The following ATXN1 variants were observed in gnomAD, a reference collection of about 807,000 sequenced individuals.
The protein encoded by ATXN1 is ataxin 1.
In ATXN1, 8 loss-of-function variants were observed where a neutral mutation model predicts 56.4. That is an observed-to-expected ratio of 0.14 (90% CI 0.08 to 0.26). ATXN1 has a LOEUF of 0.26. Among genes scored for constraint, ATXN1 ranks in the 10% least tolerant of loss-of-function variants. The probability of loss-of-function intolerance (pLI) is 1.00; values close to 1 mark genes in which losing one functional copy is unlikely to be tolerated. For synonymous variants in ATXN1, 514 were observed against 494.6 expected, an observed-to-expected ratio of 1.04 and a Z score of -0.52; for missense variants, 987 against 1,106.5, an observed-to-expected ratio of 0.89 and a Z score of 1.53.
chr6:16,444,094 C>T (rs896992775), intron 6 of ATXN1, among the ~76,000 whole-genome samples: 9 of 142,886 alleles, frequency 6.3e-5, no homozygotes, highest in South Asian at 2.3e-4. Context: ...CCAGCCTGGG[C>T]GACAGAGCGA....
At chr6:16,441,481 C>G (rs1759515902) in intron 6 of ATXN1, among the ~76,000 whole-genome samples, 1 of 151,804 alleles carries the variant, frequency 6.6e-6, no homozygotes, top group Admixed American at 6.6e-5. Flanking sequence ...ATACAGTGCA[C>G]AGTTATTATA....
intron 5 of ATXN1, among the ~76,000 whole-genome samples, chr6:16,491,909 G>T (rs979691425): frequency 1.3e-5 from 2 of 152,172 alleles, no homozygotes; most frequent in Non-Finnish European, 1.5e-5. Context: ...GCAAGGAACT[G>T]AAGGTGAATG....
intron 6 of ATXN1, among the ~76,000 whole-genome samples, chr6:16,395,380 T>C (rs1026419668): frequency 1.3e-5 from 2 of 151,992 alleles, no homozygotes; most frequent in African/African-American, 4.8e-5. Flanking sequence ...CATCTACTTG[T>C]ATAGTGGATA....
chr6:16,418,259 T>G (rs1237387211), intron 6 of ATXN1, among the ~76,000 whole-genome samples: 1 of 152,208 alleles, frequency 6.6e-6, no homozygotes, highest in Non-Finnish European at 1.5e-5. Context: ...TAAATATTGT[T>G]CCTGTGTACA....
At chr6:16,581,089 C>G (rs1309233292) in intron 4 of ATXN1, among the ~76,000 whole-genome samples, 1 of 150,010 alleles carries the variant, frequency 6.7e-6, no homozygotes, top group Admixed American at 6.7e-5. Flanking sequence ...TACAGTTTTT[C>G]TTTTTGTGTT....
intron 5 of ATXN1, among the ~76,000 whole-genome samples, chr6:16,516,782 A>G (rs896559264): frequency 1.3e-5 from 2 of 152,210 alleles, no homozygotes; most frequent in African/African-American, 4.8e-5. Context: ...TACTGCCCTC[A>G]GTATCTTTTA....
chr6:16,687,416 A>G (rs2113411090), intron 2 of ATXN1, among the ~76,000 whole-genome samples: 1 of 152,256 alleles, frequency 6.6e-6, no homozygotes, highest in East Asian at 1.9e-4. Flanking sequence ...AATCATGCTC[A>G]AGAGCCCTTT....
At chr6:16,512,206 A>G (rs1761097021) in intron 5 of ATXN1, among the ~76,000 whole-genome samples, 1 of 152,220 alleles carries the variant, frequency 6.6e-6, no homozygotes, top group Non-Finnish European at 1.5e-5. Flanking sequence ...AGGCTTTACC[A>G]CATAGTTTTC....
At chr6:16,437,269 T>C (rs987742869) in intron 6 of ATXN1, among the ~76,000 whole-genome samples, 3 of 152,234 alleles carry the variant, frequency 2.0e-5, no homozygotes, top group Non-Finnish European at 4.4e-5. Flanking sequence ...TCCACTCTGA[T>C]TGTTCCACTT....
At chr6:16,612,165 T>C (rs1002458441) in intron 3 of ATXN1, among the ~76,000 whole-genome samples, 1 of 151,810 alleles carries the variant, frequency 6.6e-6, no homozygotes, top group Admixed American at 6.6e-5. Context: ...GGCCAGCAGA[T>C]GAAAATTTAA....
chr6:16,534,319 T>G (rs553907868), intron 4 of ATXN1, among the ~76,000 whole-genome samples: 1 of 151,958 alleles, frequency 6.6e-6, no homozygotes, highest in East Asian at 1.9e-4. Flanking sequence ...ATCTCTACTG[T>G]AACCATTTTT....
At chr6:16,723,808 G>A (rs1053579370) in intron 2 of ATXN1, among the ~76,000 whole-genome samples, 1 of 152,028 alleles carries the variant, frequency 6.6e-6, no homozygotes. Context: ...AATAGCCCAT[G>A]AGCCAAGCAG....
intron 6 of ATXN1, among the ~76,000 whole-genome samples, chr6:16,476,103 C>G (rs1221997374): frequency 6.6e-6 from 1 of 152,062 alleles, no homozygotes; most frequent in Non-Finnish European, 1.5e-5. Context: ...GAACTCCTGA[C>G]CTCAGGTGAT....
intron 4 of ATXN1, among the ~76,000 whole-genome samples, chr6:16,570,024 G>A (rs1037774009): frequency 2.0e-5 from 3 of 152,138 alleles, no homozygotes; most frequent in South Asian, 2.1e-4. Context: ...CAAGTTATCC[G>A]TAACACCATC....
intron 6 of ATXN1, among the ~76,000 whole-genome samples, chr6:16,394,449 T>C (rs1018309681): frequency 3.3e-5 from 5 of 152,236 alleles, no homozygotes; most frequent in African/African-American, 4.8e-5. Context: ...TAATTTCTTA[T>C]ATTTATGGGC....
chr6:16,697,193 T>C (rs1345484607), intron 2 of ATXN1, among the ~76,000 whole-genome samples: 3 of 152,228 alleles, frequency 2.0e-5, no homozygotes, highest in Admixed American at 6.5e-5. Flanking sequence ...AGATTATGAA[T>C]TGGGAAAATT....
rs1280722002 is a variant in ATXN1 at position 16,300,051 on chromosome 6, A to G, written c.*6278T>C. On this transcript the variant is annotated 3_prime_UTR_variant, in exon 8 of 8. Coordinates refer to ENST00000436367, the MANE Select transcript of ATXN1 (RefSeq NM_001128164.2). ...AATACTTGGTATTCTGGAGGACAGT[A>G]TGTTATCTTGGTAAGGATTACTGTA... is the stretch of plus-strand genomic sequence containing the variant. The G allele has an allele frequency of 6.6e-6, 1 of 152,640 alleles. No homozygotes were observed. Among genetic ancestry groups the G allele is most frequent in the Non-Finnish European group, 1.5e-5 (1 of 68,042 alleles). The allele number at this position is 152,640 out of a possible 1,614,324, so 9.5% of individuals were successfully genotyped here.
chr6:16,566,523 T>C (rs1348254844), intron 4 of ATXN1, among the ~76,000 whole-genome samples: 1 of 151,802 alleles, frequency 6.6e-6, no homozygotes, highest in Non-Finnish European at 1.5e-5. Flanking sequence ...TATAAGCACA[T>C]CTCACCATGC....
At chr6:16,453,773 A>C (rs1441739690) in intron 6 of ATXN1, among the ~76,000 whole-genome samples, 3 of 152,198 alleles carry the variant, frequency 2.0e-5, no homozygotes, top group Non-Finnish European at 4.4e-5. Context: ...TATAGGAATA[A>C]ACTATATTTC....
Sources: gnomAD v4.1 joint callset for allele counts (sites outside exome capture counted in the v4.1 genomes callset) on GRCh38, gnomAD v4.1.1 for gene constraint, MANE v1.5 for transcripts, NCBI Gene and HGNC (gene_info 2026-07-23, HGNC 2026-07-21) for gene names.